Variants in STX7 observed in about 807,000 individuals in gnomAD.
STX7 encodes syntaxin-7.
Under a neutral mutation model 39.6 loss-of-function variants are expected in STX7, and 34 were observed. The ratio of observed to expected loss-of-function variants is 0.86; its 90% CI spans 0.65 to 1.14. The LOEUF (loss-of-function observed/expected upper bound fraction) is 1.14. Among genes scored for constraint, STX7 ranks in the 50% most tolerant of loss-of-function variants. The pLI is 0.00. For synonymous variants in STX7, 119 were observed against 99.1 expected, an observed-to-expected ratio of 1.20 and a Z score of -1.19; for missense variants, 284 against 310.4, an observed-to-expected ratio of 0.92 and a Z score of 0.64.
rs1774329807 is a variant in STX7, at chr6:132,459,400, C to T, written c.*1358G>A. 6.6e-6 allele frequency: 1 copy of T among 152,164 alleles called. No homozygotes were observed. 9.4% of individuals were successfully genotyped at this position (152,164 alleles called of 1,614,324 possible). A position where few individuals can be genotyped will look rare whatever the true frequency, so the allele number is the denominator to read the frequency against. On this transcript the variant is annotated 3_prime_UTR_variant, in exon 10 of 10. Transcript: ENST00000367941. ...GTGCTCCAGAAAGATGCTGAATGGC[C>T]ACAGTGCATGTGGTGATGTCTCCAT...
At chr6:132,503,032 C>T (rs1775615995) in intron 2 of STX7, among the ~76,000 whole-genome samples, 1 of 152,168 alleles carries the variant, frequency 6.6e-6, no homozygotes, top group Non-Finnish European at 1.5e-5. Flanking sequence ...ATAAGATTAA[C>T]CTAATCCATA....
chr6:132,483,738 T>C (rs9483461), intron 2 of STX7, among the ~76,000 whole-genome samples: 2,433 of 152,276 alleles, frequency 0.016, 53 homozygotes, highest in African/African-American at 0.053. Context: ...GGATATGTGG[T>C]TCACAGGATC....
At chr6:132,478,223 A>T (rs1358028886) in intron 2 of STX7, among the ~76,000 whole-genome samples, 3 of 152,120 alleles carry the variant, frequency 2.0e-5, no homozygotes, top group African/African-American at 7.2e-5. Flanking sequence ...AAGAATAGGA[A>T]CTTTAATATT....
rs1276055108 is a variant in STX7, at chr6:132,455,228, G to C, written c.*5530C>G. On this transcript the variant is annotated 3_prime_UTR_variant, in exon 10 of 10. Coordinates refer to ENST00000367941, the MANE Select transcript of STX7 (RefSeq NM_003569.3). ...TAGAAAACAGGTTCTCTTCTTTCTG[G>C]TCTGAGTTTAACATTTCAGATCTCC... 2 of 152,042 alleles carry C rather than the reference G, an allele frequency of 1.3e-5. No homozygotes were observed. The highest frequency in any genetic ancestry group is 4.8e-5 in the African/African-American group (2 of 41,384). The allele number at this position is 152,042 out of a possible 1,614,324, so 9.4% of individuals were successfully genotyped here. A position where few individuals can be genotyped will look rare whatever the true frequency, so the allele number is the denominator to read the frequency against.
rs1224702799 is a variant in STX7 at position 132,447,059 on chromosome 6, T to G, written c.*13699A>C. 1 of 152,164 alleles carries G rather than the reference T, an allele frequency of 6.6e-6. No individual in the cohort carries two copies. The highest frequency in any genetic ancestry group is 1.5e-5 in the Non-Finnish European group (1 of 68,024). 9.4% of individuals were successfully genotyped at this position (152,164 alleles called of 1,614,324 possible). On this transcript the variant is annotated 3_prime_UTR_variant, in exon 10 of 10. Transcript: ENST00000367941. ...TTATGATGGCTCAGCGGAAAATTAG[T>G]AAATACAACCAGTGTGTTAGAAATA... is the stretch of plus-strand genomic sequence containing the variant.
intron 2 of STX7, among the ~76,000 whole-genome samples, chr6:132,495,923 T>C (rs1158339197): frequency 2.0e-5 from 3 of 152,192 alleles, no homozygotes; most frequent in Non-Finnish European, 4.4e-5. Context: ...AACATCTGTT[T>C]CGATTTTAAA....
At chr6:132,474,733 T>TAA (rs1305806824) in intron 3 of STX7, among the ~76,000 whole-genome samples, 1 of 152,184 alleles carries the variant, frequency 6.6e-6, no homozygotes, top group Non-Finnish European at 1.5e-5. Context: ...GTTTAAATGA[T>TAA]AAAATATGTA....
Position 132,511,861 on chromosome 6 carries a change from G to T in STX7, c.-59+1146C>A, listed in dbSNP as rs544681263. ...TCAATCATCAGCACTTAAAGTTTGG[G>T]GTCATAACCAAAATAAGGATTGATT... On this transcript the variant is annotated intron_variant, in intron 1 of 9. Transcript: ENST00000367941. 5.9e-5 allele frequency among the ~76,000 whole-genome samples: 9 copies of T among 152,072 alleles called. 1 individual carries two copies. In the South Asian group the frequency reaches 1.9e-3, roughly 32 times the overall value.
chr6:132,474,222 T>G (rs1000153264), intron 3 of STX7, among the ~76,000 whole-genome samples: 1 of 96,600 alleles, frequency 1.0e-5, no homozygotes, highest in African/African-American at 4.3e-5. Flanking sequence ...CATGAGATCC[T>G]GTCTCAAAAA....
In STX7 at chr6:132,472,350, G is replaced by A. The variant is rs1484513282; in HGVS notation, c.181C>T (p.Gln61Ter). Residue 61 changes from glutamine to a stop codon, truncating the protein, a stop_gained, in exon 4 of 10, where the codon CAG becomes TAG. Transcript: ENST00000367941. LOFTEE classifies it high-confidence loss of function. ...QLQQKQQYTN[Q>*]LAKETDKYIK... ...TACTTATCTGTTTCTTTGGCAAGCTGGTTAGTATACTGCTGCTTCTGTTGC... is the reference window on the plus strand; with the variant it reads ...TACTTATCTGTTTCTTTGGCAAGCTAGTTAGTATACTGCTGCTTCTGTTGC... 1.2e-6 allele frequency: 2 copies of A among 1,613,244 alleles called. No homozygotes were observed. The highest frequency in any genetic ancestry group is 1.7e-6 in the Non-Finnish European group (2 of 1,179,726).
At chr6:132,509,481 AC>A (rs1278292627) in intron 1 of STX7, among the ~76,000 whole-genome samples, 6 of 114,256 alleles carry the variant, frequency 5.3e-5, no homozygotes, top group African/African-American at 1.5e-4. Flanking sequence ...ACATAACATA[AC>A]ATAACATAAC....
Position 132,451,075 on chromosome 6 carries a change from C to T in STX7, c.*9683G>A, listed in dbSNP as rs1774126482. 6.7e-6 allele frequency: 1 copy of T among 150,282 alleles called. No individual in the cohort carries two copies. The highest frequency in any genetic ancestry group is 6.6e-5 in the Admixed American group (1 of 15,070). The allele number at this position is 150,282 out of a possible 1,614,324, so 9.3% of individuals were successfully genotyped here. ...AAACAATTTAAAAAACTGGATTTCT[C>T]ATGGGGAACCATGAAATTTTCTTTC... On this transcript the variant is annotated 3_prime_UTR_variant, in exon 10 of 10. Coordinates refer to ENST00000367941, the MANE Select transcript of STX7 (RefSeq NM_003569.3).
At chr6:132,508,612 C>G (rs576219060) in intron 1 of STX7, among the ~76,000 whole-genome samples, 7 of 152,284 alleles carry the variant, frequency 4.6e-5, no homozygotes, top group Admixed American at 1.3e-4. Context: ...CAGGCTCAGG[C>G]AATCCTCCCA....
intron 3 of STX7, 143 bp downstream of exon 3, chr6:132,475,450 T>C (rs1247824891): frequency 6.3e-6 from 3 of 479,090 alleles, no homozygotes; most frequent in East Asian, 3.4e-5. Context: ...TTGGTACAAA[T>C]GTATGGATAA....
In STX7 at chr6:132,459,113, G is replaced by A. The variant is rs1013819665; in HGVS notation, c.*1645C>T. ...CACTTGAAGTAAAGACCACATTTGAGCAGGCCTGGTGGGCTGGCACAGGCC... is the reference window on the plus strand; with the variant it reads ...CACTTGAAGTAAAGACCACATTTGAACAGGCCTGGTGGGCTGGCACAGGCC... On this transcript the variant is annotated 3_prime_UTR_variant, in exon 10 of 10. Coordinates refer to ENST00000367941, the MANE Select transcript of STX7 (RefSeq NM_003569.3). The A allele has an allele frequency of 3.0e-4, 46 of 152,320 alleles. No individual in the cohort carries two copies. Among genetic ancestry groups the A allele is most frequent in the African/African-American group, 1.1e-3 (45 of 41,562 alleles). 9.4% of individuals were successfully genotyped at this position (152,320 alleles called of 1,614,324 possible). A position where few individuals can be genotyped will look rare whatever the true frequency, so the allele number is the denominator to read the frequency against.
chr6:132,481,542 C>A (rs1775015626), intron 2 of STX7, among the ~76,000 whole-genome samples: 1 of 149,480 alleles, frequency 6.7e-6, no homozygotes, highest in African/African-American at 2.4e-5. Flanking sequence ...ATCAAAGGCT[C>A]TGGCTAACAA....
At chr6:132,507,525 T>A (rs555739515) in intron 1 of STX7, among the ~76,000 whole-genome samples, 1 of 152,360 alleles carries the variant, frequency 6.6e-6, no homozygotes, top group East Asian at 1.9e-4. Flanking sequence ...CTTTATAGCT[T>A]TGCTATTCTG....
In STX7 at chr6:132,464,093, C is replaced by T. The variant is rs1286072485; in HGVS notation, c.611-18G>A. On this transcript the variant is annotated intron_variant, in intron 8 of 9. Coordinates refer to ENST00000367941, the MANE Select transcript of STX7 (RefSeq NM_003569.3). ...TATGCTATCTGTAAAATAAAACACACACACACAAATGTGTTAAACATGGAT... is the reference window on the plus strand; with the variant it reads ...TATGCTATCTGTAAAATAAAACACATACACACAAATGTGTTAAACATGGAT... 6.2e-7 allele frequency: 1 copy of T among 1,605,372 alleles called. No individual in the cohort carries two copies. The highest frequency in any genetic ancestry group is 2.2e-5 in the East Asian group (1 of 44,840).
intron 2 of STX7, 86 bp from the exon 3 acceptor site, chr6:132,475,748 G>T: frequency 1.3e-6 from 1 of 781,154 alleles, no homozygotes; most frequent in East Asian, 2.9e-5. Flanking sequence ...CAAGCAATTG[G>T]GCAGTTGAAA....
Sources: gnomAD v4.1 joint callset for allele counts (sites outside exome capture counted in the v4.1 genomes callset) on GRCh38, gnomAD v4.1.1 for gene constraint, MANE v1.5 for transcripts, NCBI Gene and HGNC (gene_info 2026-07-23, HGNC 2026-07-21) for gene names.